The following MYPN variants were observed in gnomAD, a reference collection of about 807,000 sequenced individuals.
MYPN encodes the protein sarcomeric protein myopalladin, 145 kDa (MYOP).
In MYPN, 63 loss-of-function variants were observed where a neutral mutation model predicts 129.4. That is an observed-to-expected ratio of 0.49 (90% CI 0.40 to 0.60). MYPN has a LOEUF of 0.60. MYPN is among the 20% of genes least tolerant of loss of function. The probability of loss-of-function intolerance (pLI) is 0.00; values close to 1 mark genes in which losing one functional copy is unlikely to be tolerated. For missense variants in MYPN, 1,596 were observed against 1,635.4 expected, an observed-to-expected ratio of 0.98 and a Z score of 0.42; for synonymous variants, 629 against 600.9, an observed-to-expected ratio of 1.05 and a Z score of -0.68.
At position 68,122,443 on chromosome 10, in the gene MYPN, C is replaced by A. The variant is rs927326694; in HGVS notation, c.902+103C>A. On this transcript the variant is annotated intron_variant, in intron 2 of 19. Coordinates refer to ENST00000358913, the MANE Select transcript of MYPN (RefSeq NM_032578.4). ...CACCTGGTTTACAAAATTATATACT[C>A]CCTTTGAGAAAAGTAGTCGGTATCT... is the stretch of plus-strand genomic sequence containing the variant. 4 of 1,229,078 alleles carry A rather than the reference C, an allele frequency of 3.3e-6. No homozygotes were observed. In the African/African-American group the frequency reaches 4.5e-5, roughly 14 times the overall value. 76.1% of individuals were successfully genotyped at this position (1,229,078 alleles called of 1,614,324 possible).
intron 2 of MYPN, among the ~76,000 whole-genome samples, chr10:68,135,225 T>TC (rs1268042153): frequency 6.6e-6 from 1 of 152,186 alleles, no homozygotes; most frequent in African/African-American, 2.4e-5. Flanking sequence ...AGTGCTGGGA[T>TC]CACAGGCGTG....
chr10:68,150,176 A>G, intron 6 of MYPN, 65 bp downstream of exon 6: 1 of 1,351,940 alleles, frequency 7.4e-7, no homozygotes, highest in Non-Finnish European at 1.1e-6. Flanking sequence ...AAGTTATAGG[A>G]TACAAGATTT....
intron 19 of MYPN, among the ~76,000 whole-genome samples, chr10:68,208,712 G>A (rs1441782282): frequency 6.6e-6 from 1 of 152,074 alleles, no homozygotes; most frequent in Non-Finnish European, 1.5e-5. Flanking sequence ...CCAACAATAG[G>A]CAGTGCTGTT....
chr10:68,089,479 CTA>C (rs2041921211), intron 1 of MYPN, among the ~76,000 whole-genome samples: 1 of 151,908 alleles, frequency 6.6e-6, no homozygotes, highest in African/African-American at 2.4e-5. Flanking sequence ...GTAGCTGGGA[CTA>C]CAGGTGTCTG....
intron 2 of MYPN, among the ~76,000 whole-genome samples, chr10:68,140,516 T>C (rs1444041771): frequency 6.6e-6 from 1 of 152,064 alleles, no homozygotes; most frequent in African/African-American, 2.4e-5. Context: ...GTTTTTTTTT[T>C]TTAGGTGAAG....
In MYPN at chr10:68,137,401, T is replaced by C. The variant is rs1243476882; in HGVS notation, c.903-5539T>C. Among the ~76,000 whole-genome samples, 4 of 152,218 alleles carry C rather than the reference T, an allele frequency of 2.6e-5. No individual in the cohort carries two copies. The East Asian group carries it at 7.7e-4, about 29-fold the overall frequency. ...GGAAATTGTGGCTATTCTTATTTTA[T>C]ACCATATTAAAATTAACTAGCAGTA... is the stretch of plus-strand genomic sequence containing the variant. On this transcript the variant is annotated intron_variant, in intron 2 of 19. Transcript: ENST00000358913.
At chr10:68,136,739 C>G in intron 2 of MYPN, 2 of 1,534,110 alleles carry the variant, frequency 1.3e-6, no homozygotes, top group African/African-American at 2.7e-5. Flanking sequence ...TTGGTAAGGA[C>G]GAGAAATGTT....
chr10:68,167,288 T>C (rs961290658), intron 10 of MYPN, among the ~76,000 whole-genome samples: 1 of 152,222 alleles, frequency 6.6e-6, no homozygotes, highest in African/African-American at 2.4e-5. Flanking sequence ...TCTAATCGTC[T>C]TTACAGTCTG....
rs760413720 is a variant in MYPN, at chr10:68,165,692, T to G, written c.1484-10T>G. On this transcript the variant is annotated splice_polypyrimidine_tract_variant and intron_variant, in intron 8 of 19. Transcript: ENST00000358913. ...GAAGTCAGTAACCATTCTGTTTCAC[T>G]GGCATATAGAGGAGATTTGCACCTT... is the stretch of plus-strand genomic sequence containing the variant. 6.2e-7 allele frequency: 1 copy of G among 1,602,212 alleles called. No homozygotes were observed. The highest frequency in any genetic ancestry group is 1.1e-5 in the South Asian group (1 of 90,886).
At chr10:68,103,765 C>T (rs561850659), upstream of MYPN, among the ~76,000 whole-genome samples, 8 of 152,254 alleles carry the variant, frequency 5.3e-5, no homozygotes, top group South Asian at 4.1e-4. Context: ...GCCTGACTAA[C>T]GTGGTGAAAC....
chr10:68,106,723 C>A, upstream of MYPN: 1 of 717,150 alleles, frequency 1.4e-6, no homozygotes, highest in Non-Finnish European at 2.6e-6. Flanking sequence ...GGAAATTCTC[C>A]CATGCTTACC....
chr10:68,190,985 T>C (rs796855009), intron 13 of MYPN, among the ~76,000 whole-genome samples: 1 of 152,166 alleles, frequency 6.6e-6, no homozygotes, highest in African/African-American at 2.4e-5. Context: ...TTGTCAAAAA[T>C]GAGTTGGCTA....
In MYPN at chr10:68,194,413, C is replaced by T. The variant is rs768202837; in HGVS notation, c.2976C>T (p.Cys992=). The change falls in exon 14 of 20, where the codon TGC becomes TGT. Residue 992 remains cysteine, a synonymous_variant. Coordinates refer to ENST00000358913, the MANE Select transcript of MYPN (RefSeq NM_032578.4). ...AGATTTCTAAGAGAAATGAGCACTG[C>T]AAAATGAGGCGAGAAGGAGATGGGA... ...GKQISKRNEH[C]KMRREGDGTC... 26 of 1,613,572 alleles carry T rather than the reference C, an allele frequency of 1.6e-5. No individual in the cohort carries two copies. The African/African-American group carries it at 3.5e-4, about 22-fold the overall frequency.
chr10:68,142,752 G>A (rs1173559883), intron 2 of MYPN, among the ~76,000 whole-genome samples, 188 bp from the exon 3 acceptor site: 1 of 152,084 alleles, frequency 6.6e-6, no homozygotes, highest in African/African-American at 2.4e-5. Flanking sequence ...TCCTGAGTGT[G>A]GTGTCAGTAT....
intron 6 of MYPN, among the ~76,000 whole-genome samples, chr10:68,157,555 C>T (rs993119021): frequency 2.7e-5 from 4 of 150,408 alleles, no homozygotes; most frequent in African/African-American, 4.9e-5. Flanking sequence ...GTACTGAGGC[C>T]GGGTGCGGTA....
At chr10:68,138,590 C>A (rs1589545386) in intron 2 of MYPN, among the ~76,000 whole-genome samples, 1 of 152,236 alleles carries the variant, frequency 6.6e-6, no homozygotes, top group South Asian at 2.1e-4. Flanking sequence ...CAAATAATAT[C>A]TTTGTATTAT....
intron 16 of MYPN, among the ~76,000 whole-genome samples, chr10:68,198,584 C>T (rs1248326616): frequency 1.3e-5 from 2 of 152,140 alleles, no homozygotes; most frequent in African/African-American, 2.4e-5. Context: ...TTGATTGCTA[C>T]ATCCCCCTCC....
At chr10:68,203,194 G>C (rs1030868930) in intron 18 of MYPN, among the ~76,000 whole-genome samples, 17 of 152,214 alleles carry the variant, frequency 1.1e-4, no homozygotes, top group African/African-American at 4.1e-4. Context: ...CTGAGATGCT[G>C]CCGTGGGGAA....
chr10:68,127,711 T>G (rs2042348692), intron 2 of MYPN, among the ~76,000 whole-genome samples: 1 of 152,154 alleles, frequency 6.6e-6, no homozygotes, highest in African/African-American at 2.4e-5. Context: ...CCTGGAGCCC[T>G]ACCTGTTTGT....
Sources: gnomAD v4.1 joint callset for allele counts (sites outside exome capture counted in the v4.1 genomes callset) on GRCh38, gnomAD v4.1.1 for gene constraint, MANE v1.5 for transcripts, NCBI Gene and HGNC (gene_info 2026-07-23, HGNC 2026-07-21) for gene names.